AFF1: variants seen among roughly 807,000 people sequenced by gnomAD.
AFF1 encodes the protein AF4/FMR2 family member 1.
In AFF1, 48 loss-of-function variants were observed where a neutral mutation model predicts 121.7. The ratio of observed to expected loss-of-function variants is 0.39; its 90% CI spans 0.31 to 0.50. AFF1 has a LOEUF of 0.50. Ranked by LOEUF, AFF1 falls within the 20% of genes least tolerant of loss-of-function variation. The pLI, the probability that AFF1 is intolerant of heterozygous loss-of-function variation, is 0.76. For missense variants in AFF1, 1,523 were observed against 1,511.7 expected, an observed-to-expected ratio of 1.01 and a Z score of -0.12; for synonymous variants, 613 against 563.0, an observed-to-expected ratio of 1.09 and a Z score of -1.26.
chr4:87,108,134 A>G (rs1726107449), intron 10 of AFF1, 25 bp from the exon 11 acceptor site: 2 of 1,609,634 alleles, frequency 1.2e-6, no homozygotes, highest in African/African-American at 1.3e-5. Context: ...GTGCCTTCTA[A>G]TTTTATCTTT....
At chr4:86,939,195 G>A (rs1346555495) in intron 1 of AFF1, among the ~76,000 whole-genome samples, 4 of 152,124 alleles carry the variant, frequency 2.6e-5, no homozygotes, top group Admixed American at 6.5e-5. Flanking sequence ...CTTTCACATG[G>A]CATAATCATT....
chr4:87,112,006 T>C (rs2149760842), intron 11 of AFF1, among the ~76,000 whole-genome samples: 2 of 152,328 alleles, frequency 1.3e-5, no homozygotes, highest in Middle Eastern at 6.8e-3. Context: ...ACATAAATAG[T>C]CTTCTAAAGA....
Position 87,134,601 on chromosome 4 carries a change from A to G in AFF1, c.3442A>G (p.Asn1148Asp), listed in dbSNP as rs1729142115. ...TATCAGCACCCCAGTCACCATCCAG[A>G]ATATGACATCTTCCTATGTCACCAT... ...ATISTPVTIQ[N>D]MTSSYVTITS... is the part of the protein sequence containing the mutation. The change falls in exon 20 of 21, where the codon AAT becomes GAT. Residue 1148 changes from asparagine (N) to aspartate (D), a missense_variant. Physicochemically the swap from Asn to Asp is conservative, Grantham distance 23. Coordinates refer to ENST00000395146, the MANE Select transcript of AFF1 (RefSeq NM_001166693.3). 1 of 1,614,238 alleles carries G rather than the reference A, an allele frequency of 6.2e-7. No homozygotes were observed. The highest frequency in any genetic ancestry group is 1.3e-5 in the African/African-American group (1 of 75,052).
intron 1 of AFF1, among the ~76,000 whole-genome samples, chr4:86,937,312 C>T (rs1443421494): frequency 2.0e-5 from 3 of 152,124 alleles, no homozygotes; most frequent in African/African-American, 7.2e-5. Context: ...GACAAAAGTC[C>T]AGGCCATTGT....
At chr4:86,999,818 G>T (rs920576112) in intron 2 of AFF1, among the ~76,000 whole-genome samples, 2 of 152,178 alleles carry the variant, frequency 1.3e-5, no homozygotes, top group Non-Finnish European at 2.9e-5. Context: ...TTCTCTTGGT[G>T]TAAGAAGCTT....
At chr4:87,012,038 T>G (rs1412704343) in intron 2 of AFF1, among the ~76,000 whole-genome samples, 1 of 152,228 alleles carries the variant, frequency 6.6e-6, no homozygotes, top group African/African-American at 2.4e-5. Flanking sequence ...TAAAATATTA[T>G]GGATGAGAGA....
At chr4:86,980,955 C>G (rs529199018) in intron 2 of AFF1, among the ~76,000 whole-genome samples, 2 of 136,764 alleles carry the variant, frequency 1.5e-5, no homozygotes, top group Admixed American at 7.5e-5. Flanking sequence ...GCACCCCCCC[C>G]CTCCACCAAA....
intron 4 of AFF1, among the ~76,000 whole-genome samples, chr4:87,066,305 C>G (rs1347281048): frequency 1.3e-5 from 2 of 152,174 alleles, no homozygotes; most frequent in Non-Finnish European, 2.9e-5. Context: ...CCTGCAGACT[C>G]TGTAATGGGA....
intron 2 of AFF1, among the ~76,000 whole-genome samples, chr4:86,995,995 G>GC (rs1725147277): frequency 8.7e-6 from 1 of 115,012 alleles, no homozygotes; most frequent in African/African-American, 2.7e-5. Context: ...CCTCCGCCCG[G>GC]CAGCCGCCCC....
chr4:86,957,319 A>G lies in AFF1; in HGVS notation c.38+8748A>G, dbSNP rs1256522753. 2.0e-5 allele frequency among the ~76,000 whole-genome samples: 3 copies of G among 152,300 alleles called. No individual in the cohort carries two copies. In the East Asian group the frequency reaches 5.8e-4, roughly 29 times the overall value. ...CTTCTGAAGCCATACTAGTCAGCCT[A>G]CTTTAGGAAGAAGAGAATTTCAGTT... On this transcript the variant is annotated intron_variant, in intron 2 of 20. Coordinates refer to ENST00000395146, the MANE Select transcript of AFF1 (RefSeq NM_001166693.3).
At chr4:87,087,096 T>G (rs1723817628) in intron 5 of AFF1, among the ~76,000 whole-genome samples, 1 of 152,220 alleles carries the variant, frequency 6.6e-6, no homozygotes, top group African/African-American at 2.4e-5. Flanking sequence ...CAGGCAAGCC[T>G]GGCCTCCACA....
intron 2 of AFF1, among the ~76,000 whole-genome samples, chr4:86,985,502 T>C (rs558391911): frequency 3.8e-4 from 49 of 130,502 alleles, no homozygotes; most frequent in African/African-American, 1.3e-3. Flanking sequence ...AGCGAGACAC[T>C]GTCTCAAAAA....
At chr4:86,951,581 G>T (rs1430714595) in intron 2 of AFF1, among the ~76,000 whole-genome samples, 9 of 151,046 alleles carry the variant, frequency 6.0e-5, no homozygotes, top group African/African-American at 2.2e-4. Flanking sequence ...AAAGATGGGG[G>T]ATGTTAGGGA....
intron 12 of AFF1, among the ~76,000 whole-genome samples, chr4:87,122,352 T>C (rs987164986): frequency 6.6e-6 from 1 of 152,218 alleles, no homozygotes; most frequent in Admixed American, 6.5e-5. Flanking sequence ...TTCCAATTGA[T>C]TGTTTTTCTC....
chr4:86,951,623 CTTTTTTTTT>C (rs1285365564), intron 2 of AFF1, among the ~76,000 whole-genome samples: 1 of 69,418 alleles, frequency 1.4e-5, no homozygotes, highest in East Asian at 8.0e-4. Context: ...TTCTTTTTTT[CTTTTTTTTT>C]TTTTTTTTTG....
At chr4:87,022,812 C>T (rs1253166391) in intron 2 of AFF1, among the ~76,000 whole-genome samples, 2 of 150,934 alleles carry the variant, frequency 1.3e-5, no homozygotes, top group African/African-American at 2.4e-5. Flanking sequence ...TATATGCACA[C>T]ACACACACGA....
chr4:86,955,474 T>C (rs1265285656), intron 2 of AFF1, among the ~76,000 whole-genome samples: 2 of 152,210 alleles, frequency 1.3e-5, no homozygotes, highest in Non-Finnish European at 2.9e-5. Flanking sequence ...CCCTTCTTAC[T>C]CTTTTGTATC....
At chr4:86,975,111 T>G (rs1343544320) in intron 2 of AFF1, among the ~76,000 whole-genome samples, 1 of 152,166 alleles carries the variant, frequency 6.6e-6, no homozygotes, top group Admixed American at 6.5e-5. Context: ...TTGTGCACCC[T>G]ATAATACAAC....
At chr4:86,951,861 G>A (rs1174657184) in intron 2 of AFF1, among the ~76,000 whole-genome samples, 1 of 151,088 alleles carries the variant, frequency 6.6e-6, no homozygotes, top group Non-Finnish European at 1.5e-5. Context: ...TGATCTGCCC[G>A]CCTTGGCCTC....
Sources: allele counts gnomAD v4.1 joint callset (sites outside exome capture counted in the v4.1 genomes callset), GRCh38; gene constraint gnomAD v4.1.1; transcripts MANE v1.5; gene names NCBI Gene and HGNC (gene_info 2026-07-23, HGNC 2026-07-21).